The following PPP6R2 variants were observed in gnomAD, a reference collection of about 807,000 sequenced individuals.
The protein encoded by PPP6R2 is protein phosphatase 6 regulatory subunit 2.
In PPP6R2, 62 loss-of-function variants were observed where a neutral mutation model predicts 100.2. The observed-to-expected ratio is 0.62, with a 90% CI of 0.50 to 0.76. The LOEUF is 0.76. PPP6R2 is among the 30% of genes least tolerant of loss of function. The pLI is 0.00. For synonymous variants in PPP6R2, 525 were observed against 514.7 expected (o/e 1.02, Z -0.27); for missense variants, 1,142 against 1,276.3 (o/e 0.89, Z 1.60).
At chr22:50,437,355 G>T in intron 15 of PPP6R2, 151 bp from the exon 16 acceptor site, 1 of 653,956 alleles carries the variant, frequency 1.5e-6, no homozygotes, top group South Asian at 1.8e-5. Context: ...GTAGAATCGT[G>T]AGCCCTGAAC....
intron 3 of PPP6R2, among the ~76,000 whole-genome samples, chr22:50,406,227 G>C (rs1413996833): frequency 2.7e-5 from 4 of 149,024 alleles, no homozygotes. Context: ...AGAGGCGAGA[G>C]GCCTGGAGAG....
chr22:50,431,848 T>C lies in PPP6R2; in HGVS notation c.1336-417T>C, dbSNP rs946233454. 5.9e-5 allele frequency among the ~76,000 whole-genome samples: 9 copies of C among 152,184 alleles called. 1 individual carries two copies. Among genetic ancestry groups the C allele is most frequent in the African/African-American group, 2.2e-4 (9 of 41,434 alleles). Reference sequence around the variant, plus strand: ...AACATCTCAGGTACAAGAAGTGATCTGTGTCAGGGCCTGGAGGTGAGAGAA... The same window carrying C: ...AACATCTCAGGTACAAGAAGTGATCCGTGTCAGGGCCTGGAGGTGAGAGAA... On this transcript the variant is annotated intron_variant, in intron 11 of 23. Coordinates refer to ENST00000612753, the MANE Select transcript of PPP6R2 (RefSeq NM_001242898.2). The surrounding 1 kb of genome is among the most constrained non-coding windows in gnomAD (Gnocchi z 4.8).
chr22:50,422,759 C>T (rs569666028), intron 9 of PPP6R2, among the ~76,000 whole-genome samples: 1 of 152,274 alleles, frequency 6.6e-6, no homozygotes, highest in African/African-American at 2.4e-5. Flanking sequence ...AAAGGCTCCT[C>T]CTGGTTCAGA....
the PPP6R2 span, among the ~76,000 whole-genome samples, chr22:50,332,764 C>T: frequency 4.0e-5 from 6 of 151,442 alleles, no homozygotes; most frequent in African/African-American, 1.2e-4. Context: ...GTGGGTACTA[C>T]AGGCACGCAC....
Position 50,423,989 on chromosome 22 carries a change from C to T in PPP6R2, c.1125+375C>T, listed in dbSNP as rs371578086. On this transcript the variant is annotated intron_variant, in intron 10 of 23. Transcript: ENST00000612753. The surrounding 1 kb of genome is among the most constrained non-coding windows in gnomAD (Gnocchi z 4.8). ...AAATGGCTAAAAGAGAAGCTCCTGT[C>T]GTCCACAGTAGAAGGCCAACCTGGC... Among the ~76,000 whole-genome samples the T allele has an allele frequency of 9.2e-5, 14 of 152,372 alleles. No individual in the cohort carries two copies. The highest frequency in any genetic ancestry group is 2.9e-4 in the African/African-American group (12 of 41,598).
At chr22:50,391,253 G>A (rs1165319437) in intron 2 of PPP6R2, among the ~76,000 whole-genome samples, 1 of 151,216 alleles carries the variant, frequency 6.6e-6, no homozygotes, top group Non-Finnish European at 1.5e-5. Context: ...CCAGTATGGT[G>A]AAACCCCATC....
the PPP6R2 span, among the ~76,000 whole-genome samples, chr22:50,335,191 A>C: frequency 4.0e-5 from 6 of 148,224 alleles, no homozygotes; most frequent in East Asian, 1.2e-3. Flanking sequence ...AGCTGGGACT[A>C]CAGGTGCCCG....
intron 5 of PPP6R2, among the ~76,000 whole-genome samples, chr22:50,415,306 C>T (rs2060379493): frequency 6.6e-6 from 1 of 152,232 alleles, no homozygotes; most frequent in South Asian, 2.1e-4. Flanking sequence ...CTGCCTGTTT[C>T]CCAGCTCCTG....
intron 3 of PPP6R2, among the ~76,000 whole-genome samples, chr22:50,401,507 ATT>A: frequency 8.9e-6 from 1 of 112,936 alleles, no homozygotes; most frequent in Admixed American, 9.6e-5. Context: ...CGCCAGGCCA[ATT>A]TTTTTTTTTT....
chr22:50,357,902 G>A lies in PPP6R2; in HGVS notation c.-147-14118G>A, dbSNP rs533381321. Among the ~76,000 whole-genome samples the A allele has an allele frequency of 1.1e-4, 17 of 151,886 alleles. No homozygotes were observed. The East Asian group carries it at 1.9e-3, about 17-fold the overall frequency. On this transcript the variant is annotated intron_variant, in intron 1 of 23. Transcript: ENST00000612753. ...GCCTTCCAAAGTGCCGGGATTACAG[G>A]TGTGAGCCACCGCACCTGGCACCTG... is the stretch of plus-strand genomic sequence containing the variant.
chr22:50,437,477 C>A, intron 15 of PPP6R2, 29 bp from the exon 16 acceptor site: 1 of 781,994 alleles, frequency 1.3e-6, no homozygotes, highest in Non-Finnish European at 2.4e-6. Flanking sequence ...CGGTGTCTGT[C>A]CGTCCCTCCC....
intron 22 of PPP6R2, among the ~76,000 whole-genome samples, chr22:50,442,184 C>T (rs541702885): frequency 3.3e-5 from 5 of 152,342 alleles, no homozygotes; most frequent in Admixed American, 6.5e-5. Context: ...CTACCCTTCC[C>T]CCACAGGTGG....
intron 2 of PPP6R2, among the ~76,000 whole-genome samples, chr22:50,373,979 C>T (rs2050884729): frequency 6.6e-6 from 1 of 152,072 alleles, no homozygotes; most frequent in African/African-American, 2.4e-5. Flanking sequence ...AGCAATCCAC[C>T]CACCTCAGCC....
chr22:50,437,106 T>G, intron 15 of PPP6R2, 38 bp downstream of exon 15: 138 of 1,440,846 alleles, frequency 9.6e-5, no homozygotes, highest in Non-Finnish European at 1.2e-4. Flanking sequence ...TGCCGGGCCC[T>G]TCCCGGCACC....
At chr22:50,409,433 A>G (rs2059429537) in intron 4 of PPP6R2, among the ~76,000 whole-genome samples, 1 of 152,014 alleles carries the variant, frequency 6.6e-6, no homozygotes, top group Admixed American at 6.6e-5. Flanking sequence ...GATGATGATG[A>G]TGATGATTTT....
intron 1 of PPP6R2, among the ~76,000 whole-genome samples, chr22:50,364,766 T>G (rs955003942): frequency 1.1e-4 from 16 of 152,078 alleles, no homozygotes; most frequent in Non-Finnish European, 1.6e-4. Flanking sequence ...ACTCAGCATA[T>G]TTAGATAGTT....
At chr22:50,417,667 G>A (rs1042580102) in intron 6 of PPP6R2, among the ~76,000 whole-genome samples, 1 of 151,952 alleles carries the variant, frequency 6.6e-6, no homozygotes, top group South Asian at 2.1e-4. Flanking sequence ...GAGAGGCCAC[G>A]TTGGCGTCTG....
At chr22:50,409,248 C>T (rs1311008504) in intron 4 of PPP6R2, among the ~76,000 whole-genome samples, 1 of 152,168 alleles carries the variant, frequency 6.6e-6, no homozygotes, top group African/African-American at 2.4e-5. Flanking sequence ...ATTTTCCCCG[C>T]CCTTCATTAT....
chr22:50,422,329 C>A lies in PPP6R2; in HGVS notation c.921C>A (p.Gly307=). The A allele has an allele frequency of 6.2e-7, 1 of 1,614,128 alleles. No individual in the cohort carries two copies. Among genetic ancestry groups the A allele is most frequent in the Non-Finnish European group, 8.5e-7 (1 of 1,180,016 alleles). The change falls in exon 9 of 24, where the codon GGC becomes GGA. Residue 307 remains glycine (G), a synonymous_variant. Transcript: ENST00000612753. Reference sequence around the variant, plus strand: ...CTGTCAGCAGCAGCGTACTACACGGCATCGAGCCTCGGCTGAAGGACTTCC... The same window carrying A: ...CTGTCAGCAGCAGCGTACTACACGGAATCGAGCCTCGGCTGAAGGACTTCC... ...SYAVSSSVLH[G]IEPRLKDFHQ... is the part of the protein sequence containing the mutation.
Sources: allele counts gnomAD v4.1 joint callset (sites outside exome capture counted in the v4.1 genomes callset), GRCh38; gene constraint gnomAD v4.1.1; non-coding constraint Gnocchi (gnomAD v3.1); transcripts MANE v1.5; gene names NCBI Gene and HGNC (gene_info 2026-07-23, HGNC 2026-07-21).